Variants in DPP6 observed in about 807,000 individuals in gnomAD.
DPP6 encodes dipeptidyl peptidase like 6.
Under a neutral mutation model 122.6 loss-of-function variants are expected in DPP6, and 69 were observed. That is an observed-to-expected ratio of 0.56 (90% CI 0.46 to 0.69). The LOEUF (loss-of-function observed/expected upper bound fraction) is 0.69. Among genes scored for constraint, DPP6 ranks in the 30% least tolerant of loss-of-function variants. DPP6 has a pLI of 0.00. For synonymous variants in DPP6, 418 were observed against 433.1 expected (o/e 0.97, Z 0.43); for missense variants, 928 against 1,116.9 (o/e 0.83, Z 2.41).
chr7:153,752,799 T>A, the DPP6 span, among the ~76,000 whole-genome samples: 1 of 141,888 alleles, frequency 7.0e-6, no homozygotes, highest in Admixed American at 7.3e-5. Context: ...CACAGTAAGA[T>A]GGCATCTCTA....
chr7:154,386,923 C>G (rs1814163509), intron 1 of DPP6, among the ~76,000 whole-genome samples: 2 of 125,124 alleles, frequency 1.6e-5, no homozygotes, highest in Admixed American at 1.7e-4. Context: ...AATGGCAAAG[C>G]AGAGGAGGGC....
the DPP6 span, among the ~76,000 whole-genome samples, chr7:153,867,352 A>G: frequency 6.6e-6 from 1 of 152,178 alleles, no homozygotes; most frequent in Non-Finnish European, 1.5e-5. Context: ...GTTCTCCTTG[A>G]AGAGGTCCTT....
chr7:154,509,906 G>A (rs560402533), intron 3 of DPP6, among the ~76,000 whole-genome samples: 9 of 152,212 alleles, frequency 5.9e-5, no homozygotes, highest in African/African-American at 2.2e-4. Context: ...CAGAAAATGG[G>A]ATAGTGGTTG....
intron 7 of DPP6, among the ~76,000 whole-genome samples, chr7:154,713,462 T>C (rs994536539): frequency 1.3e-5 from 2 of 152,234 alleles, no homozygotes; most frequent in African/African-American, 4.8e-5. Context: ...AGCAAACTTC[T>C]ACCTGGACAT....
At chr7:154,880,563 G>A (rs979375897) in intron 20 of DPP6, among the ~76,000 whole-genome samples, 3 of 152,164 alleles carry the variant, frequency 2.0e-5, no homozygotes, top group East Asian at 1.9e-4. Flanking sequence ...CCCAATAGCA[G>A]CAGATGGACC....
the DPP6 span, among the ~76,000 whole-genome samples, chr7:153,873,941 C>A: frequency 1.3e-5 from 2 of 152,110 alleles, no homozygotes; most frequent in Non-Finnish European, 2.9e-5. Flanking sequence ...GAGAAACACA[C>A]TAGAGTTTGA....
the DPP6 span, among the ~76,000 whole-genome samples, chr7:153,807,290 C>A: frequency 6.6e-6 from 1 of 151,652 alleles, no homozygotes; most frequent in Non-Finnish European, 1.5e-5. Context: ...GCAGGCCCAG[C>A]TACTTGGTAG....
At chr7:153,770,845 G>A in the DPP6 span, among the ~76,000 whole-genome samples, 25 of 152,276 alleles carry the variant, frequency 1.6e-4, no homozygotes, top group African/African-American at 6.0e-4. Context: ...ATACACTTTT[G>A]ACATGCTCAC....
At chr7:153,862,544 C>T in the DPP6 span, among the ~76,000 whole-genome samples, 8 of 152,276 alleles carry the variant, frequency 5.3e-5, no homozygotes, top group African/African-American at 1.9e-4. Flanking sequence ...GTTTAGTTTT[C>T]TAGTTTTTGT....
At chr7:154,364,894 G>A (rs1436067058) in intron 1 of DPP6, among the ~76,000 whole-genome samples, 1 of 152,202 alleles carries the variant, frequency 6.6e-6, no homozygotes, top group African/African-American at 2.4e-5. Context: ...TTGAAAAAAT[G>A]TAGGCACCCA....
chr7:154,490,949 C>T (rs1374520644), intron 3 of DPP6, among the ~76,000 whole-genome samples: 6 of 152,184 alleles, frequency 3.9e-5, no homozygotes, highest in Non-Finnish European at 8.8e-5. Flanking sequence ...TCCTGTATGA[C>T]TATACTGTAG....
chr7:154,832,783 AC>A (rs1563261340), intron 16 of DPP6, among the ~76,000 whole-genome samples: 11 of 152,226 alleles, frequency 7.2e-5, no homozygotes, highest in African/African-American at 2.7e-4. Flanking sequence ...GCAGTACTGC[AC>A]ATTTGTGCTT....
chr7:153,894,999 A>C (rs564907068), intron 1 of DPP6, among the ~76,000 whole-genome samples: 9 of 152,300 alleles, frequency 5.9e-5, no homozygotes, highest in African/African-American at 2.2e-4. Flanking sequence ...CATGCATGAG[A>C]GAGAAAAGTA....
At chr7:154,607,179 A>C (rs1833612506) in intron 5 of DPP6, among the ~76,000 whole-genome samples, 1 of 120,546 alleles carries the variant, frequency 8.3e-6, no homozygotes. Flanking sequence ...AATACAGTAA[A>C]CCTTAAATAA....
At chr7:154,221,564 T>C (rs1310560683) in intron 1 of DPP6, among the ~76,000 whole-genome samples, 5 of 152,230 alleles carry the variant, frequency 3.3e-5, no homozygotes, top group African/African-American at 7.2e-5. Context: ...TTATTACTTC[T>C]GTTAAGTGCA....
chr7:154,083,010 G>A lies in DPP6; in HGVS notation c.243+29947G>A, dbSNP rs1342322444. Among the ~76,000 whole-genome samples, 185 of 151,786 alleles carry A rather than the reference G, an allele frequency of 1.2e-3. 1 individual carries two copies. Among genetic ancestry groups the A allele is most frequent in the Non-Finnish European group, 4.3e-4 (29 of 67,936 alleles). On this transcript the variant is annotated intron_variant, in intron 1 of 25. Transcript: ENST00000377770. ...ACTGCAGGCGCCCGCCACCATGCCC[G>A]GCTAATTTTTTGTATTTTTTAGTAG... is the stretch of plus-strand genomic sequence containing the variant.
chr7:154,572,592 C>T (rs1361984842), intron 5 of DPP6, among the ~76,000 whole-genome samples: 1 of 142,458 alleles, frequency 7.0e-6, no homozygotes, highest in Non-Finnish European at 1.5e-5. Context: ...TCTCGACTCA[C>T]TGCAACCTCC....
intron 12 of DPP6, among the ~76,000 whole-genome samples, chr7:154,797,136 A>G (rs4960614): frequency 0.17 from 25,297 of 152,156 alleles, 3,467 homozygotes; most frequent in African/African-American, 0.38. Flanking sequence ...AGATTACAAT[A>G]AAAGGAACAT....
chr7:154,678,029 G>C (rs1440809187), intron 7 of DPP6, among the ~76,000 whole-genome samples: 3 of 152,196 alleles, frequency 2.0e-5, no homozygotes, highest in African/African-American at 7.2e-5. Context: ...ACACCAATCA[G>C]AGCTCCTGTC....
Sources: allele counts gnomAD v4.1 joint callset (sites outside exome capture counted in the v4.1 genomes callset), GRCh38; gene constraint gnomAD v4.1.1; transcripts MANE v1.5; gene names NCBI Gene and HGNC (gene_info 2026-07-23, HGNC 2026-07-21).